Variants in WASHC5 observed in about 807,000 individuals in gnomAD.
The protein encoded by WASHC5 is WASH complex subunit 5.
Under a neutral mutation model 150.4 loss-of-function variants are expected in WASHC5, and 101 were observed. That is an observed-to-expected ratio of 0.67 (90% CI 0.57 to 0.79). WASHC5 has a LOEUF of 0.79. WASHC5 is among the 30% of genes least tolerant of loss of function. The probability of loss-of-function intolerance (pLI) is 0.00; values close to 1 mark genes in which losing one functional copy is unlikely to be tolerated. For missense variants in WASHC5, 1,195 were observed against 1,396.3 expected, an observed-to-expected ratio of 0.86 and a Z score of 2.30; for synonymous variants, 467 against 491.2, an observed-to-expected ratio of 0.95 and a Z score of 0.65.
At chr8:125,055,762 C>A in intron 16 of WASHC5, 91 bp from the exon 17 acceptor site, 1 of 822,086 alleles carries the variant, frequency 1.2e-6, no homozygotes, top group East Asian at 2.4e-5. Flanking sequence ...AGCTTTAGGA[C>A]ACCTGTGTCC....
intron 6 of WASHC5, among the ~76,000 whole-genome samples, chr8:125,076,911 C>G (rs1040941541): frequency 6.6e-6 from 1 of 152,138 alleles, no homozygotes; most frequent in Non-Finnish European, 1.5e-5. Flanking sequence ...CCATCATCAT[C>G]CCAGTGGAAT....
At chr8:125,081,235 A>T (rs892666286) in intron 5 of WASHC5, among the ~76,000 whole-genome samples, 4 of 142,888 alleles carry the variant, frequency 2.8e-5, no homozygotes, top group African/African-American at 5.2e-5. Flanking sequence ...TAAGAATCTT[A>T]CTTTTTTTTT....
At chr8:125,041,578 T>C (rs1014919986) in intron 23 of WASHC5, among the ~76,000 whole-genome samples, 4 of 151,976 alleles carry the variant, frequency 2.6e-5, no homozygotes, top group African/African-American at 9.7e-5. Context: ...GAGGTAGAGG[T>C]TGCAGTGAGC....
chr8:125,049,771 G>A (rs1816184648), intron 18 of WASHC5, among the ~76,000 whole-genome samples: 1 of 151,694 alleles, frequency 6.6e-6, no homozygotes, highest in Non-Finnish European at 1.5e-5. Flanking sequence ...AACCCAGGAG[G>A]CAGAGGTTGC....
At chr8:125,080,322 C>T (rs1817212362) in intron 5 of WASHC5, among the ~76,000 whole-genome samples, 1 of 152,110 alleles carries the variant, frequency 6.6e-6, no homozygotes, top group Non-Finnish European at 1.5e-5. Flanking sequence ...TCCAGGTACT[C>T]TCAGAAATAT....
intron 23 of WASHC5, 145 bp from the exon 24 acceptor site, chr8:125,040,043 CT>C: frequency 1.4e-6 from 1 of 693,092 alleles, no homozygotes; most frequent in Non-Finnish European, 2.6e-6. Context: ...GAACTGATCT[CT>C]TGGCTAAGAC....
At chr8:125,060,347 A>G (rs922147462) in intron 12 of WASHC5, among the ~76,000 whole-genome samples, 4 of 152,012 alleles carry the variant, frequency 2.6e-5, no homozygotes, top group African/African-American at 9.7e-5. Context: ...TTAGCTGGGC[A>G]TGGTGGCAGG....
intron 3 of WASHC5, 129 bp downstream of exon 3, chr8:125,082,984 C>T: frequency 1.6e-6 from 1 of 621,910 alleles, no homozygotes; most frequent in Non-Finnish European, 2.7e-6. Context: ...TAGGAAAAGA[C>T]AACTATATAC....
intron 5 of WASHC5, among the ~76,000 whole-genome samples, chr8:125,079,185 CTTTTT>C (rs34211379): frequency 3.5e-5 from 2 of 57,560 alleles, no homozygotes; most frequent in South Asian, 9.1e-4. Context: ...TATATATAAC[CTTTTT>C]TTTTTTTTTT....
chr8:125,079,185 C>CTTTTTTTTTTTTTT (rs34211379), intron 5 of WASHC5, among the ~76,000 whole-genome samples: 7 of 57,580 alleles, frequency 1.2e-4, no homozygotes, highest in African/African-American at 1.6e-4. Context: ...TATATATAAC[C>CTTTTTTTTTTTTTT]TTTTTTTTTT....
intron 6 of WASHC5, among the ~76,000 whole-genome samples, chr8:125,077,577 GC>G (rs1474104482): frequency 6.6e-6 from 1 of 152,192 alleles, no homozygotes; most frequent in Non-Finnish European, 1.5e-5. Flanking sequence ...GGAAATGGAA[GC>G]ACATTGCCTT....
At chr8:125,046,395 A>G (rs900905356) in intron 20 of WASHC5, among the ~76,000 whole-genome samples, 1 of 152,222 alleles carries the variant, frequency 6.6e-6, no homozygotes, top group Non-Finnish European at 1.5e-5. Flanking sequence ...AGTTTTAATT[A>G]AATGAGATTT....
intron 10 of WASHC5, among the ~76,000 whole-genome samples, chr8:125,067,168 C>T (rs1386455756): frequency 1.3e-5 from 2 of 152,146 alleles, no homozygotes; most frequent in Admixed American, 1.3e-4. Context: ...CCGTGTGCCA[C>T]CATGCCCAGC....
chr8:125,086,703 G>A lies in WASHC5; in HGVS notation c.-124-2681C>T, dbSNP rs372426878. Among the ~76,000 whole-genome samples the A allele has an allele frequency of 5.9e-5, 9 of 152,092 alleles. No individual in the cohort carries two copies. The East Asian group carries it at 9.6e-4, about 16-fold the overall frequency. On this transcript the variant is annotated intron_variant, in intron 1 of 28. Coordinates refer to ENST00000318410, the MANE Select transcript of WASHC5 (RefSeq NM_014846.4). Reference sequence around the variant, plus strand: ...AGAATTAACTCTCTACCAATTCCAGGCCTAAGCCTTGAGAAGGCCTGGCAG... The same window carrying A: ...AGAATTAACTCTCTACCAATTCCAGACCTAAGCCTTGAGAAGGCCTGGCAG...
chr8:125,080,179 A>G (rs1817206409), intron 5 of WASHC5, among the ~76,000 whole-genome samples: 2 of 152,218 alleles, frequency 1.3e-5, no homozygotes, highest in Admixed American at 6.5e-5. Flanking sequence ...GTTCAGTGTC[A>G]CTTCAATAAT....
At chr8:125,072,177 C>CA (rs1230410109) in intron 9 of WASHC5, among the ~76,000 whole-genome samples, 1 of 151,742 alleles carries the variant, frequency 6.6e-6, no homozygotes, top group East Asian at 1.9e-4. Flanking sequence ...ACTGTCTCTA[C>CA]AAAAAAATAC....
chr8:125,077,853 T>C (rs1440630081), intron 6 of WASHC5, among the ~76,000 whole-genome samples: 2 of 152,130 alleles, frequency 1.3e-5, no homozygotes, highest in Non-Finnish European at 2.9e-5. Flanking sequence ...CAACAATTAT[T>C]ATGGAGACCT....
rs1032695387 is a variant in WASHC5, at chr8:125,059,445, A to G, written c.1619T>C (p.Ile540Thr). Residue 540 changes from isoleucine (I) to threonine (T), a missense_variant, in exon 13 of 29, where the codon ATT becomes ACT. Transcript: ENST00000318410. Reference protein sequence around the residue: ...FLHQMIRTINIKEEVLITMQI... With the variant: ...FLHQMIRTINTKEEVLITMQI... ...CATTGTGATCAGAACCTCCTCTTTA[A>G]TGTTAATGGTTCTGATCATTTGATG... 1 of 1,614,154 alleles carries G rather than the reference A, an allele frequency of 6.2e-7. No individual in the cohort carries two copies. The highest frequency in any genetic ancestry group is 8.5e-7 in the Non-Finnish European group (1 of 1,179,990).
Position 125,075,055 on chromosome 8 carries a change from G to T in WASHC5, c.921C>A (p.Tyr307Ter). The change falls in exon 8 of 29, where the codon TAC (tyrosine) becomes TAA (stop). Residue 307 changes from tyrosine (Y) to a stop codon, truncating the protein, a stop_gained. Transcript: ENST00000318410. LOFTEE classifies it high-confidence loss of function. ...TVNLVDAWEP[Y>*]KAAKTALNNT... ...TATTTAAAGCAGTTTTTGCAGCTTT[G>T]TAAGGTTCCCAAGCATCTACTAGAT... is the stretch of plus-strand genomic sequence containing the variant. 1 of 1,613,020 alleles carries T rather than the reference G, an allele frequency of 6.2e-7. No homozygotes were observed.
Sources: allele counts gnomAD v4.1 joint callset (sites outside exome capture counted in the v4.1 genomes callset), GRCh38; gene constraint gnomAD v4.1.1; transcripts MANE v1.5; gene names NCBI Gene and HGNC (gene_info 2026-07-23, HGNC 2026-07-21).